Variants in FANCM observed in about 807,000 individuals in gnomAD.
FANCM encodes the protein Fanconi anemia group M protein.
Under a neutral mutation model 199.5 loss-of-function variants are expected in FANCM, and 140 were observed. The observed-to-expected ratio is 0.70, with a 90% confidence interval of 0.61 to 0.81. The LOEUF is 0.81. Among genes scored for constraint, FANCM ranks in the 30% least tolerant of loss-of-function variants. The pLI is 0.00. For missense variants in FANCM, 2,410 were observed against 2,421.4 expected, an observed-to-expected ratio of 1.00 and a Z score of 0.10; for synonymous variants, 840 against 836.8, an observed-to-expected ratio of 1.00 and a Z score of -0.07.
intron 14 of FANCM, among the ~76,000 whole-genome samples, chr14:45,178,128 T>A (rs1888829791): frequency 6.6e-6 from 1 of 152,250 alleles, no homozygotes; most frequent in Non-Finnish European, 1.5e-5. Flanking sequence ...GTAAATCTTT[T>A]CCTTACATTA....
chr14:45,151,540 T>A lies in FANCM; in HGVS notation c.1050+12T>A, dbSNP rs1886820142. On this transcript the variant is annotated intron_variant, in intron 5 of 22. Coordinates refer to ENST00000267430, the MANE Select transcript of FANCM (RefSeq NM_020937.4). ...CTCCGAATATTGTGGTAGGTATTTT[T>A]AAATAAATTTTGATGACAGATTAAA... The A allele has an allele frequency of 1.2e-6, 2 of 1,608,122 alleles. No homozygotes were observed. The highest frequency in any genetic ancestry group is 1.1e-5 in the South Asian group (1 of 90,958).
At position 45,181,358 on chromosome 14, in the gene FANCM, A is replaced by G. The variant is rs1033371139; in HGVS notation, c.4223-72A>G. Reference sequence around the variant, plus strand: ...GAAATAATTCTTAATGTAGCCATCAATAAAATAGATTGTTATGATTGGGTA... The same window carrying G: ...GAAATAATTCTTAATGTAGCCATCAGTAAAATAGATTGTTATGATTGGGTA... On this transcript the variant is annotated intron_variant, in intron 14 of 22. Coordinates refer to ENST00000267430, the MANE Select transcript of FANCM (RefSeq NM_020937.4). 23 of 800,822 alleles carry G rather than the reference A, an allele frequency of 2.9e-5. No homozygotes were observed. In the South Asian group the frequency reaches 3.4e-4, roughly 12 times the overall value. The allele number at this position is 800,822 out of a possible 1,614,324, so 49.6% of individuals were successfully genotyped here.
chr14:45,171,393 T>C (rs1210279226), intron 12 of FANCM, among the ~76,000 whole-genome samples: 3 of 152,098 alleles, frequency 2.0e-5, no homozygotes, highest in Admixed American at 2.0e-4. Context: ...AAGTTCTTAG[T>C]GGTGATTTCT....
At chr14:45,146,530 C>A (rs547955178) in intron 3 of FANCM, among the ~76,000 whole-genome samples, 29 of 151,906 alleles carry the variant, frequency 1.9e-4, no homozygotes, top group Non-Finnish European at 3.7e-4. Context: ...CTGGTTTTCT[C>A]CCTGACCTCG....
intron 17 of FANCM, 94 bp from the exon 18 acceptor site, chr14:45,185,123 T>G: frequency 1.1e-6 from 1 of 881,072 alleles, no homozygotes; most frequent in Non-Finnish European, 1.8e-6. Context: ...TTAAAAGCAT[T>G]GATAAGAAAT....
At position 45,136,466 on chromosome 14, in the gene FANCM, C is replaced by T; in HGVS notation, c.435C>T (p.Pro145=). The change falls in exon 1 of 23, where the codon CCC becomes CCT. Residue 145 remains proline, a synonymous_variant. Coordinates refer to ENST00000267430, the MANE Select transcript of FANCM (RefSeq NM_020937.4). ...GKVVFMAPTK[P]LVTQQIEACY... is the part of the protein sequence containing the mutation. ...TGGTCTTCATGGCCCCAACGAAACC[C>T]TTGGTGACACAGCAGATCGAGGCTT... 1 of 1,614,138 alleles carries T rather than the reference C, an allele frequency of 6.2e-7. No homozygotes were observed. The highest frequency in any genetic ancestry group is 1.6e-4 in the Middle Eastern group (1 of 6,062).
At chr14:45,145,635 T>C (rs1047361275) in intron 3 of FANCM, among the ~76,000 whole-genome samples, 1 of 152,208 alleles carries the variant, frequency 6.6e-6, no homozygotes, top group Non-Finnish European at 1.5e-5. Flanking sequence ...TTCAAGATTG[T>C]GTTTCCTGGC....
intron 1 of FANCM, 111 bp downstream of exon 1, chr14:45,136,650 T>C: frequency 9.3e-7 from 1 of 1,075,934 alleles, no homozygotes; most frequent in Non-Finnish European, 1.4e-6. Flanking sequence ...TAAAACATTC[T>C]CTACTTGCAG....
At position 45,170,624 on chromosome 14, in the gene FANCM, TTA is replaced by T. The variant is rs777996811; in HGVS notation, c.2040_2041del (p.Leu680PhefsTer6). 19 of 1,600,724 alleles carry T rather than the reference TTA, an allele frequency of 1.2e-5. No homozygotes were observed. The South Asian group carries it at 2.1e-4, about 18-fold the overall frequency. ...RQSSLKKDWF[L>X]SEEEFKLWNR... ...AAGTAGCCTAAAGAAAGATTGGTTC[TTA>T]TCAGAAGAAGAATTTAAATTATGGA... On this transcript the variant is annotated frameshift_variant, in exon 12 of 23. Coordinates refer to ENST00000267430, the MANE Select transcript of FANCM (RefSeq NM_020937.4). LOFTEE classifies it high-confidence loss of function.
intron 18 of FANCM, 146 bp from the exon 19 acceptor site, chr14:45,187,635 G>A: frequency 1.8e-6 from 1 of 554,612 alleles, no homozygotes; most frequent in Non-Finnish European, 3.3e-6. Context: ...ATTGTTTATA[G>A]ATATCTTTTA....
At chr14:45,148,200 A>AACACACACACACAC (rs200351777) in intron 3 of FANCM, among the ~76,000 whole-genome samples, 1,618 of 142,374 alleles carry the variant, frequency 0.011, 36 homozygotes, top group African/African-American at 0.038. Flanking sequence ...CCGTCTCAAA[A>AACACACACACACAC]ACACACACAC....
chr14:45,185,090 T>A, intron 17 of FANCM, 127 bp from the exon 18 acceptor site: 1 of 720,296 alleles, frequency 1.4e-6, no homozygotes, highest in Non-Finnish European at 2.4e-6. Context: ...CCTAGAAATT[T>A]TGTTTTTATT....
rs758565771 is a variant in FANCM at position 45,175,278 on chromosome 14, C to T, written c.2524C>T (p.Gln842Ter). The change falls in exon 14 of 23, where the codon CAA becomes TAA. Residue 842 changes from glutamine (Q) to a stop codon, truncating the protein, a stop_gained. Coordinates refer to ENST00000267430, the MANE Select transcript of FANCM (RefSeq NM_020937.4). LOFTEE classifies it high-confidence loss of function. ...SDEECAEIVK[Q>*]THIKPTKIVS... The stretch of plus-strand genomic sequence containing the variant: ...TGAAGAATGTGCTGAAATTGTTAAA[C>T]AAACTCATATCAAACCTACTAAAAT... 1.3e-6 allele frequency: 2 copies of T among 1,597,738 alleles called. No homozygotes were observed. Among genetic ancestry groups the T allele is most frequent in the South Asian group, 2.3e-5 (2 of 86,882 alleles).
chr14:45,176,330 T>A lies in FANCM; in HGVS notation c.3576T>A (p.Asp1192Glu). The A allele has an allele frequency of 6.2e-7, 1 of 1,613,916 alleles. No individual in the cohort carries two copies. The highest frequency in any genetic ancestry group is 1.1e-5 in the South Asian group (1 of 91,078). The change falls in exon 14 of 23, where the codon GAT becomes GAA. Residue 1192 changes from aspartate (D) to glutamate (E), a missense_variant. Transcript: ENST00000267430. ...LLLDNNSELQ[D>E]QITRDANSFK... Reference sequence around the variant, plus strand: ...TGGACAATAATTCTGAACTCCAAGATCAAATCACCCGTGATGCTAATAGTT... The same window carrying A: ...TGGACAATAATTCTGAACTCCAAGAACAAATCACCCGTGATGCTAATAGTT...
rs1890294307 is a variant in FANCM at position 45,200,341 on chromosome 14, A to T, written c.*333A>T. ...AAATTAAAGTTGTACTGTTGTGATA[A>T]ATAGTAAAGTTGACATGTCTATGAC... On this transcript the variant is annotated 3_prime_UTR_variant, in exon 23 of 23. Coordinates refer to ENST00000267430, the MANE Select transcript of FANCM (RefSeq NM_020937.4). 6.3e-6 allele frequency: 1 copy of T among 159,944 alleles called. No homozygotes were observed. The allele number at this position is 159,944 out of a possible 1,614,324, so 9.9% of individuals were successfully genotyped here.
At chr14:45,173,231 T>C (rs1264774916) in intron 13 of FANCM, 21 bp downstream of exon 13, 1 of 1,606,668 alleles carries the variant, frequency 6.2e-7, no homozygotes, top group Non-Finnish European at 8.5e-7. Flanking sequence ...ATTGTAACTT[T>C]CTCTTGCTGG....
chr14:45,175,169 C>T lies in FANCM; in HGVS notation c.2415C>T (p.Ala805=), dbSNP rs1472487964. ...IAPRNESNNL[A]SDTFITHKKS... ...CCAGGAATGAATCTAATAATCTTGC[C>T]AGTGACACCTTTATCACTCACAAGA... Residue 805 remains alanine (A), a synonymous_variant, in exon 14 of 23, where the codon GCC becomes GCT. Transcript: ENST00000267430. 6.2e-7 allele frequency: 1 copy of T among 1,608,830 alleles called. No homozygotes were observed. The highest frequency in any genetic ancestry group is 8.5e-7 in the Non-Finnish European group (1 of 1,175,862).
Position 45,136,409 on chromosome 14 carries a change from C to T in FANCM, c.378C>T (p.Tyr126=), listed in dbSNP as rs2139103104. 1.2e-6 allele frequency: 2 copies of T among 1,614,168 alleles called. No homozygotes were observed. The highest frequency in any genetic ancestry group is 2.2e-5 in the East Asian group (1 of 44,882). The change falls in exon 1 of 23, where the codon TAC becomes TAT. Residue 126 remains tyrosine (Y), a synonymous_variant. Coordinates refer to ENST00000267430, the MANE Select transcript of FANCM (RefSeq NM_020937.4). Reference sequence around the variant, plus strand: ...CCTTTATTGCCGCCGTGGTCATGTACAATTTCTACCGCTGGTTCCCTTCAG... The same window carrying T: ...CCTTTATTGCCGCCGTGGTCATGTATAATTTCTACCGCTGGTTCCCTTCAG... ...GKTFIAAVVM[Y]NFYRWFPSGK...
intron 3 of FANCM, among the ~76,000 whole-genome samples, chr14:45,145,932 G>A (rs1371501901): frequency 2.0e-5 from 3 of 149,504 alleles, no homozygotes; most frequent in Admixed American, 6.6e-5. Context: ...AGTGGCGGGC[G>A]CCTGTAGTCC....
Sources: allele counts gnomAD v4.1 joint callset (sites outside exome capture counted in the v4.1 genomes callset), GRCh38; gene constraint gnomAD v4.1.1; transcripts MANE v1.5; gene names NCBI Gene and HGNC (gene_info 2026-07-23, HGNC 2026-07-21).